PDE1A: variants seen among roughly 807,000 people sequenced by gnomAD.
PDE1A encodes the protein phosphodiesterase 1A.
A neutral mutation model predicts 61.7 loss-of-function variants in PDE1A; 35 were observed. The observed-to-expected ratio is 0.57, with a 90% CI of 0.43 to 0.75. The LOEUF is 0.75. Among genes scored for constraint, PDE1A ranks in the 30% least tolerant of loss-of-function variants. The pLI, the probability that PDE1A is intolerant of heterozygous loss-of-function variation, is 0.00. For synonymous variants in PDE1A, 232 were observed against 213.2 expected (o/e 1.09, Z -0.77); for missense variants, 597 against 630.6 (o/e 0.95, Z 0.57).
chr2:182,431,942 A>G (rs1703971588), upstream of PDE1A, among the ~76,000 whole-genome samples: 1 of 152,152 alleles, frequency 6.6e-6, no homozygotes, highest in African/African-American at 2.4e-5. Context: ...CAAAAACACC[A>G]GCCCTAGAAA....
At chr2:182,214,026 G>A (rs1214671650) in intron 7 of PDE1A, among the ~76,000 whole-genome samples, 4 of 140,734 alleles carry the variant, frequency 2.8e-5, no homozygotes, top group African/African-American at 5.3e-5. Context: ...GAGAAAGGTC[G>A]GGTTACCCTC....
At chr2:182,534,048 G>A in the PDE1A span, among the ~76,000 whole-genome samples, 19 of 151,928 alleles carry the variant, frequency 1.3e-4, no homozygotes, top group Middle Eastern at 3.4e-3. Context: ...AAAATGCAAA[G>A]TAAAAAAATG....
chr2:182,526,847 C>T (rs941149898), upstream of PDE1A, among the ~76,000 whole-genome samples: 3 of 152,134 alleles, frequency 2.0e-5, no homozygotes, highest in Admixed American at 6.5e-5. Context: ...CAAGTCATCA[C>T]TAGTAAGAGT....
chr2:182,337,840 G>A lies in PDE1A; in HGVS notation c.54-73426C>T, dbSNP rs569121058. ...ATAGGATTTTAAAAAAAAAGAAAGTGTGATACCCCTCTGTTATTAGTAATG... is the reference window on the plus strand; with the variant it reads ...ATAGGATTTTAAAAAAAAAGAAAGTATGATACCCCTCTGTTATTAGTAATG... On this transcript the variant is annotated intron_variant, in intron 1 of 13. Transcript: ENST00000351439. Among the ~76,000 whole-genome samples, 14 of 152,222 alleles carry A rather than the reference G, an allele frequency of 9.2e-5. 1 individual carries two copies. The South Asian group carries it at 2.9e-3, about 32-fold the overall frequency.
chr2:182,472,866 G>A (rs1430163), intron 2 of PDE1A, among the ~76,000 whole-genome samples: 5 of 151,386 alleles, frequency 3.3e-5, no homozygotes, highest in African/African-American at 7.3e-5. Flanking sequence ...ATTTAGAGCC[G>A]GAGAAGAACT....
intron 1 of PDE1A, among the ~76,000 whole-genome samples, chr2:182,294,683 T>A (rs1422501382): frequency 6.6e-6 from 1 of 152,208 alleles, no homozygotes; most frequent in African/African-American, 2.4e-5. Context: ...GGTAAGTTTA[T>A]AGAGTATCAA....
the PDE1A span, among the ~76,000 whole-genome samples, chr2:182,537,493 T>G: frequency 5.3e-5 from 8 of 151,966 alleles, no homozygotes; most frequent in Non-Finnish European, 1.2e-4. Context: ...CACTGGGACC[T>G]GTCGGGGGAT....
At chr2:182,507,250 C>T (rs955907688) in intron 2 of PDE1A, among the ~76,000 whole-genome samples, 1 of 152,044 alleles carries the variant, frequency 6.6e-6, no homozygotes, top group South Asian at 2.1e-4. Context: ...AATTCAGAAG[C>T]TAAGAGATCA....
intron 2 of PDE1A, among the ~76,000 whole-genome samples, chr2:182,488,873 C>A (rs182489380): frequency 6.6e-6 from 1 of 152,176 alleles, no homozygotes; most frequent in East Asian, 1.9e-4. Flanking sequence ...GGATGTCAAC[C>A]AGGTGTTGCA....
chr2:182,177,606 T>C (rs951395803), intron 13 of PDE1A, among the ~76,000 whole-genome samples: 3 of 152,124 alleles, frequency 2.0e-5, no homozygotes, highest in Non-Finnish European at 4.4e-5. Flanking sequence ...CTCTGTTCTG[T>C]TCCATTGGTC....
At chr2:182,650,917 T>C in the PDE1A span, among the ~76,000 whole-genome samples, 1 of 152,244 alleles carries the variant, frequency 6.6e-6, no homozygotes, top group African/African-American at 2.4e-5. Flanking sequence ...TGCCTTCATG[T>C]TACATTTAAA....
At chr2:182,684,705 C>T in the PDE1A span, among the ~76,000 whole-genome samples, 1 of 152,172 alleles carries the variant, frequency 6.6e-6, no homozygotes, top group East Asian at 1.9e-4. Flanking sequence ...CATGCGCCAC[C>T]ACACCCAGCT....
chr2:182,444,913 T>C (rs541240469), intron 2 of PDE1A, among the ~76,000 whole-genome samples: 1 of 152,240 alleles, frequency 6.6e-6, no homozygotes, highest in South Asian at 2.1e-4. Flanking sequence ...TAGCTAATCC[T>C]CTGTGGTTTT....
the PDE1A span, among the ~76,000 whole-genome samples, chr2:182,589,257 A>AAGGG: frequency 9.6e-3 from 1,174 of 122,760 alleles, 15 homozygotes; most frequent in Middle Eastern, 0.028. Context: ...GAAAAGAAGG[A>AAGGG]AGGGAGGGAG....
At chr2:182,473,948 T>C (rs1341505135) in intron 2 of PDE1A, among the ~76,000 whole-genome samples, 1 of 151,976 alleles carries the variant, frequency 6.6e-6, no homozygotes, top group African/African-American at 2.4e-5. Flanking sequence ...ACAGTGAACA[T>C]ACATGTGCAT....
the PDE1A span, among the ~76,000 whole-genome samples, chr2:182,555,917 A>C: frequency 7.5e-5 from 10 of 134,134 alleles, no homozygotes; most frequent in East Asian, 2.5e-3. Context: ...CAGTAAGCCG[A>C]GATGTCGCCA....
intron 2 of PDE1A, chr2:182,241,821 T>C (rs1690538296): frequency 6.5e-7 from 1 of 1,532,400 alleles, no homozygotes; most frequent in Non-Finnish European, 8.8e-7. Flanking sequence ...TTTTTAACTT[T>C]CTTTCTGATC....
At chr2:182,236,494 GTTAA>G (rs936797467) in intron 3 of PDE1A, among the ~76,000 whole-genome samples, 3 of 152,038 alleles carry the variant, frequency 2.0e-5, no homozygotes, top group African/African-American at 7.2e-5. Context: ...ATTTTAAAAT[GTTAA>G]TTAACGTTAG....
At chr2:182,461,143 G>A (rs1385889482) in intron 2 of PDE1A, among the ~76,000 whole-genome samples, 3 of 152,112 alleles carry the variant, frequency 2.0e-5, no homozygotes, top group African/African-American at 7.2e-5. Flanking sequence ...TTGTGAGCCT[G>A]GAGTTCTGAG....
Sources: gnomAD v4.1 joint callset for allele counts (sites outside exome capture counted in the v4.1 genomes callset) on GRCh38, gnomAD v4.1.1 for gene constraint, MANE v1.5 for transcripts, NCBI Gene and HGNC (gene_info 2026-07-23, HGNC 2026-07-21) for gene names.